The following PODXL variants were observed in gnomAD, a reference collection of about 807,000 sequenced individuals.
PODXL encodes podocalyxin.
In PODXL, 20 loss-of-function variants were observed where a neutral mutation model predicts 48.9. That is an observed-to-expected ratio of 0.41 (90% CI 0.29 to 0.59). PODXL has a LOEUF of 0.59. Among genes scored for constraint, PODXL ranks in the 20% least tolerant of loss-of-function variants. The probability of loss-of-function intolerance (pLI) is 0.31; values close to 1 mark genes in which losing one functional copy is unlikely to be tolerated. For synonymous variants in PODXL, 295 were observed against 287.4 expected, an observed-to-expected ratio of 1.03 and a Z score of -0.27; for missense variants, 606 against 675.1, an observed-to-expected ratio of 0.90 and a Z score of 1.13.
At chr7:131,547,588 C>G (rs1054441802) in intron 1 of PODXL, among the ~76,000 whole-genome samples, 3 of 152,176 alleles carry the variant, frequency 2.0e-5, no homozygotes, top group African/African-American at 4.8e-5. Context: ...ACTGCAGAGT[C>G]TAGGGCATCA....
At chr7:131,552,520 G>C (rs1365264197) in intron 1 of PODXL, among the ~76,000 whole-genome samples, 1 of 152,144 alleles carries the variant, frequency 6.6e-6, no homozygotes, top group African/African-American at 2.4e-5. Context: ...AACCAGATGG[G>C]GGACAGCCTC....
intron 1 of PODXL, among the ~76,000 whole-genome samples, chr7:131,543,982 G>A (rs947209808): frequency 1.3e-5 from 2 of 152,152 alleles, no homozygotes; most frequent in African/African-American, 4.8e-5. Context: ...TCCTGGGGCC[G>A]AAATCACCCA....
At chr7:131,531,837 C>T (rs954081178) in intron 1 of PODXL, among the ~76,000 whole-genome samples, 21 of 152,176 alleles carry the variant, frequency 1.4e-4, no homozygotes, top group Non-Finnish European at 3.1e-4. Context: ...TCCAGCCAGG[C>T]GCGGTGGCTC....
intron 6 of PODXL, 34 bp downstream of exon 6, chr7:131,506,545 G>T: frequency 6.2e-7 from 1 of 1,607,194 alleles, no homozygotes; most frequent in South Asian, 1.1e-5. Context: ...CACCCATGCA[G>T]GCCCCAGCCC....
intron 1 of PODXL, among the ~76,000 whole-genome samples, chr7:131,551,936 CA>C (rs34250804): frequency 7.8e-4 from 100 of 128,504 alleles, no homozygotes; most frequent in East Asian, 7.3e-3. Context: ...GACTCCATCT[CA>C]AAAAAAAAAA....
intron 1 of PODXL, 55 bp downstream of exon 1, chr7:131,556,205 C>A: frequency 2.1e-6 from 3 of 1,396,968 alleles, no homozygotes; most frequent in Non-Finnish European, 2.8e-6. Context: ...CTCGGCCGGG[C>A]AGGGGGCACA....
At chr7:131,522,268 C>G (rs1454712267) in intron 1 of PODXL, among the ~76,000 whole-genome samples, 1 of 152,104 alleles carries the variant, frequency 6.6e-6, no homozygotes. Context: ...CTGGCCAACA[C>G]AATGAAACCC....
intron 6 of PODXL, 39 bp from the exon 7 acceptor site, chr7:131,506,360 G>C: frequency 6.2e-7 from 1 of 1,606,034 alleles, no homozygotes; most frequent in Non-Finnish European, 8.5e-7. Flanking sequence ...GCCCAGCCCA[G>C]AGCGAGGCAG....
Position 131,502,273 on chromosome 7 carries a change from T to G in PODXL, c.*2038A>C, listed in dbSNP as rs960215031. ...AACACCTCACTCAAGCCTAACAAGA[T>G]TTCCTGTTTTCCCCCAAACAGGCAC... On this transcript the variant is annotated 3_prime_UTR_variant, in exon 9 of 9. Transcript: ENST00000378555. The G allele has an allele frequency of 6.6e-6, 1 of 152,170 alleles. No individual in the cohort carries two copies. Among genetic ancestry groups the G allele is most frequent in the Non-Finnish European group, 1.5e-5 (1 of 68,054 alleles). 9.4% of individuals were successfully genotyped at this position (152,170 alleles called of 1,614,324 possible). A position where few individuals can be genotyped will look rare whatever the true frequency, so the allele number is the denominator to read the frequency against.
At chr7:131,552,596 G>A (rs1214457511) in intron 1 of PODXL, among the ~76,000 whole-genome samples, 3 of 152,094 alleles carry the variant, frequency 2.0e-5, no homozygotes, top group Non-Finnish European at 2.9e-5. Context: ...GGCAGGCCAC[G>A]CTCCCCTCCT....
intron 1 of PODXL, among the ~76,000 whole-genome samples, chr7:131,520,702 A>G (rs1798077685): frequency 6.6e-6 from 1 of 152,268 alleles, no homozygotes; most frequent in South Asian, 2.1e-4. Context: ...GAATTGTTTC[A>G]TGTACAATCG....
intron 1 of PODXL, among the ~76,000 whole-genome samples, chr7:131,526,176 C>T (rs1798182251): frequency 6.6e-6 from 1 of 150,538 alleles, no homozygotes; most frequent in South Asian, 2.1e-4. Context: ...AAGCCTGGAA[C>T]ATCTTGTAAT....
chr7:131,508,673 G>A (rs1318367377), intron 5 of PODXL, among the ~76,000 whole-genome samples: 1 of 132,616 alleles, frequency 7.5e-6, no homozygotes, highest in African/African-American at 2.8e-5. Context: ...TCAGCATACT[G>A]GAAATAGTCA....
chr7:131,546,712 T>C (rs1207476353), intron 1 of PODXL, among the ~76,000 whole-genome samples: 1 of 108,764 alleles, frequency 9.2e-6, no homozygotes, highest in Non-Finnish European at 1.7e-5. Context: ...GGCAACACAG[T>C]GAGGCCCTGT....
intron 1 of PODXL, among the ~76,000 whole-genome samples, chr7:131,551,763 C>T (rs964548564): frequency 3.3e-5 from 5 of 151,946 alleles, no homozygotes; most frequent in Non-Finnish European, 5.9e-5. Flanking sequence ...GGTGAATCCC[C>T]GTCCCTACTA....
chr7:131,536,686 T>C (rs1174596863), intron 1 of PODXL, among the ~76,000 whole-genome samples: 1 of 152,224 alleles, frequency 6.6e-6, no homozygotes, highest in African/African-American at 2.4e-5. Context: ...CTGAACTGCC[T>C]GTCTGGAGCC....
chr7:131,526,739 CTT>C (rs57935236), intron 1 of PODXL, among the ~76,000 whole-genome samples: 9 of 90,514 alleles, frequency 9.9e-5, no homozygotes, highest in African/African-American at 3.1e-4. Context: ...CTTCCTTACT[CTT>C]TTTTTTTTTT....
In PODXL at chr7:131,505,010, T is replaced by C. The variant is rs542273311; in HGVS notation, c.1480-502A>G. Among the ~76,000 whole-genome samples, 5 of 152,258 alleles carry C rather than the reference T, an allele frequency of 3.3e-5. No individual in the cohort carries two copies. In the East Asian group the frequency reaches 7.7e-4, roughly 24 times the overall value. ...CCTCTCAAACACAACCTTGAGTGTATGCTAGAATCACCTGGGGAGCTTTTA... is the reference window on the plus strand; with the variant it reads ...CCTCTCAAACACAACCTTGAGTGTACGCTAGAATCACCTGGGGAGCTTTTA... On this transcript the variant is annotated intron_variant, in intron 8 of 8. Transcript: ENST00000378555.
chr7:131,547,325 A>T (rs1798595320), intron 1 of PODXL, among the ~76,000 whole-genome samples: 2 of 132,444 alleles, frequency 1.5e-5, no homozygotes. Context: ...GTGACCCAAG[A>T]TTGCGCCATT....
Sources: allele counts gnomAD v4.1 joint callset (sites outside exome capture counted in the v4.1 genomes callset), GRCh38; gene constraint gnomAD v4.1.1; transcripts MANE v1.5; gene names NCBI Gene and HGNC (gene_info 2026-07-23, HGNC 2026-07-21).